The following GRIK2 variants were observed in gnomAD, a reference collection of about 807,000 sequenced individuals.
The protein encoded by GRIK2 is glutamate receptor ionotropic, kainate 2.
A neutral mutation model predicts 100.3 loss-of-function variants in GRIK2; 32 were observed. The observed-to-expected ratio is 0.32, with a 90% CI of 0.24 to 0.43. The LOEUF (loss-of-function observed/expected upper bound fraction) is 0.43, where lower values mean the gene tolerates loss of function less well. Among genes scored for constraint, GRIK2 ranks in the 20% least tolerant of loss-of-function variants. The pLI is 1.00. For synonymous variants in GRIK2, 417 were observed against 389.4 expected, an observed-to-expected ratio of 1.07 and a Z score of -0.83; for missense variants, 843 against 1,114.9, an observed-to-expected ratio of 0.76 and a Z score of 3.47.
At chr6:101,453,665 G>C (rs1163560248) in intron 2 of GRIK2, among the ~76,000 whole-genome samples, 2 of 152,018 alleles carry the variant, frequency 1.3e-5, no homozygotes, top group South Asian at 2.1e-4. Context: ...TGATTTTTCA[G>C]TCACTAGGGC....
At chr6:102,043,319 G>A (rs961563973) in intron 15 of GRIK2, among the ~76,000 whole-genome samples, 11 of 151,714 alleles carry the variant, frequency 7.3e-5, no homozygotes, top group African/African-American at 2.7e-4. Flanking sequence ...TTTTTGAAAT[G>A]TACAGTACAC....
At chr6:101,912,538 G>C (rs572336047) in intron 12 of GRIK2, among the ~76,000 whole-genome samples, 1 of 151,426 alleles carries the variant, frequency 6.6e-6, no homozygotes, top group Non-Finnish European at 1.5e-5. Context: ...GCTTCTCTTC[G>C]TGCACATTTA....
intron 2 of GRIK2, among the ~76,000 whole-genome samples, chr6:101,493,391 G>A (rs1773248520): frequency 6.6e-6 from 1 of 151,978 alleles, no homozygotes; most frequent in Admixed American, 6.6e-5. Context: ...CTACAAAGAA[G>A]CAAAATCTGA....
intron 7 of GRIK2, among the ~76,000 whole-genome samples, chr6:101,786,806 T>A (rs1467224699): frequency 2.0e-5 from 3 of 152,110 alleles, no homozygotes; most frequent in Admixed American, 6.6e-5. Context: ...CTTGTCTGCT[T>A]TTGGTATCAT....
intron 9 of GRIK2, among the ~76,000 whole-genome samples, chr6:101,814,527 T>C (rs1409380631): frequency 6.6e-6 from 1 of 152,098 alleles, no homozygotes; most frequent in Non-Finnish European, 1.5e-5. Flanking sequence ...TCTGATGTTA[T>C]TCAAACTATT....
chr6:101,805,845 T>C (rs1780970840), intron 9 of GRIK2, among the ~76,000 whole-genome samples: 1 of 152,070 alleles, frequency 6.6e-6, no homozygotes, highest in Non-Finnish European at 1.5e-5. Flanking sequence ...TATGCTTCTG[T>C]TGTTTACAAC....
intron 2 of GRIK2, among the ~76,000 whole-genome samples, chr6:101,536,416 G>A (rs1163660408): frequency 6.6e-6 from 1 of 151,550 alleles, no homozygotes; most frequent in Non-Finnish European, 1.5e-5. Context: ...TACACATTCA[G>A]TTTTCTCCAG....
intron 7 of GRIK2, among the ~76,000 whole-genome samples, chr6:101,751,360 T>G (rs749285638): frequency 6.6e-6 from 1 of 152,194 alleles, no homozygotes; most frequent in Non-Finnish European, 1.5e-5. Flanking sequence ...TCAAAAATTA[T>G]GAACTCACTA....
At chr6:101,693,806 G>A (rs1772280083) in intron 7 of GRIK2, among the ~76,000 whole-genome samples, 1 of 151,766 alleles carries the variant, frequency 6.6e-6, no homozygotes, top group African/African-American at 2.4e-5. Context: ...ATATGTATAT[G>A]ATCATGTACA....
chr6:101,901,626 A>T (rs1032298644), intron 12 of GRIK2, among the ~76,000 whole-genome samples: 3 of 151,904 alleles, frequency 2.0e-5, no homozygotes, highest in Non-Finnish European at 4.4e-5. Context: ...AAGGATCTGT[A>T]ATCAGCTTAT....
intron 10 of GRIK2, among the ~76,000 whole-genome samples, chr6:101,850,564 G>A (rs1048150671): frequency 2.6e-5 from 4 of 151,864 alleles, no homozygotes; most frequent in Non-Finnish European, 4.4e-5. Flanking sequence ...ATTATTAAAA[G>A]TTTTATTATA....
chr6:101,455,935 T>A (rs77246292), intron 2 of GRIK2, among the ~76,000 whole-genome samples: 6,224 of 152,104 alleles, frequency 0.041, 140 homozygotes, highest in Admixed American at 0.072. Context: ...GTTCTGCTTA[T>A]TATATAATTG....
chr6:101,760,634 A>ATT (rs1562364552), intron 7 of GRIK2, among the ~76,000 whole-genome samples: 1 of 71,162 alleles, frequency 1.4e-5, no homozygotes, highest in Admixed American at 2.3e-4. Flanking sequence ...GTTTAATTAT[A>ATT]TATAATTATA....
intron 2 of GRIK2, among the ~76,000 whole-genome samples, chr6:101,443,457 G>A (rs895578628): frequency 6.6e-6 from 1 of 152,062 alleles, no homozygotes; most frequent in Non-Finnish European, 1.5e-5. Flanking sequence ...AAATTATGTG[G>A]CAGTATTGTG....
At chr6:101,543,419 G>C (rs1776096941) in intron 2 of GRIK2, among the ~76,000 whole-genome samples, 1 of 152,038 alleles carries the variant, frequency 6.6e-6, no homozygotes, top group Non-Finnish European at 1.5e-5. Context: ...TGGCCAATGG[G>C]GACATTTCAA....
Position 101,996,526 on chromosome 6 carries a change from T to C in GRIK2, c.2086-38815T>C, listed in dbSNP as rs533453597. Among the ~76,000 whole-genome samples the C allele has an allele frequency of 3.3e-5, 5 of 152,242 alleles. No homozygotes were observed. In the South Asian group the frequency reaches 6.2e-4, roughly 19 times the overall value. On this transcript the variant is annotated intron_variant, in intron 14 of 16. Transcript: ENST00000369134. ...CAGGAGGATCTTCATGTTTGGATTG[T>C]GCACAAAGGTATTTTCATTTGTTCA...
intron 14 of GRIK2, among the ~76,000 whole-genome samples, chr6:101,954,717 C>A: frequency 6.6e-6 from 1 of 151,996 alleles, no homozygotes; most frequent in East Asian, 1.9e-4. Context: ...GCCTTTATGG[C>A]CTGGCAATAT....
At chr6:101,831,415 A>C (rs1782684347) in intron 10 of GRIK2, among the ~76,000 whole-genome samples, 1 of 152,066 alleles carries the variant, frequency 6.6e-6, no homozygotes, top group Admixed American at 6.6e-5. Flanking sequence ...AATTTTGATA[A>C]CCTGTGGTGC....
In GRIK2 at chr6:101,773,478, C is replaced by CAA. The variant is rs10635667; in HGVS notation, c.952-26156_952-26155dup. Among the ~76,000 whole-genome samples the CAA allele has an allele frequency of 5.7e-4, 51 of 88,912 alleles. 4 individuals are homozygous for CAA. Among genetic ancestry groups the CAA allele is most frequent in the East Asian group, 2.5e-3 (10 of 4,058 alleles). The allele number at this position is 88,912 out of a possible 152,430, so 58.3% of individuals were successfully genotyped here. On this transcript the variant is annotated intron_variant, in intron 7 of 16. Coordinates refer to ENST00000369134, the MANE Select transcript of GRIK2 (RefSeq NM_021956.5). ...CTGGCAACAGAGCAAGACTTTGTCT[C>CAA]AAAAAAAAAAAAAAAGGAAAAAAAA...
Sources: allele counts gnomAD v4.1 joint callset (sites outside exome capture counted in the v4.1 genomes callset), GRCh38; gene constraint gnomAD v4.1.1; transcripts MANE v1.5; gene names NCBI Gene and HGNC (gene_info 2026-07-23, HGNC 2026-07-21).